Variants in VAV1 observed in about 807,000 individuals in gnomAD.
VAV1 encodes the protein vav guanine nucleotide exchange factor 1, also known as proto-oncogene vav.
A neutral mutation model predicts 128.1 loss-of-function variants in VAV1; 33 were observed. The ratio of observed to expected loss-of-function variants is 0.26; its 90% CI spans 0.20 to 0.34. The LOEUF (loss-of-function observed/expected upper bound fraction) is 0.34. Among genes scored for constraint, VAV1 ranks in the 10% least tolerant of loss-of-function variants. The probability of loss-of-function intolerance (pLI) is 1.00; values close to 1 mark genes in which losing one functional copy is unlikely to be tolerated. For missense variants in VAV1, 715 were observed against 1,093.7 expected (o/e 0.65, Z 4.88); for synonymous variants, 394 against 409.8 (o/e 0.96, Z 0.47).
chr19:6,825,429 G>A (rs1971895580), intron 8 of VAV1, 23 bp downstream of exon 8: 1 of 1,594,264 alleles, frequency 6.3e-7, no homozygotes. Flanking sequence ...TGGCCAGACT[G>A]AAGCTCTGGG....
At chr19:6,799,560 ATC>A (rs1971216065) in intron 1 of VAV1, among the ~76,000 whole-genome samples, 1 of 152,070 alleles carries the variant, frequency 6.6e-6, no homozygotes, top group Non-Finnish European at 1.5e-5. Context: ...CCATCAACCC[ATC>A]ATCTACATTA....
At chr19:6,842,258 T>C (rs968688008) in intron 21 of VAV1, among the ~76,000 whole-genome samples, 3 of 151,850 alleles carry the variant, frequency 2.0e-5, no homozygotes, top group Admixed American at 6.6e-5. Context: ...AAATAATAAA[T>C]ACATACATAA....
At chr19:6,831,005 T>G (rs1160616460) in intron 14 of VAV1, among the ~76,000 whole-genome samples, 1 of 152,120 alleles carries the variant, frequency 6.6e-6, no homozygotes, top group East Asian at 1.9e-4. Flanking sequence ...GGTGGGAGGA[T>G]CGCCTGTGGC....
chr19:6,784,126 C>T (rs915144669), intron 1 of VAV1: 22 of 480,278 alleles, frequency 4.6e-5, no homozygotes, highest in South Asian at 1.1e-4. Context: ...TGGTGGTGCA[C>T]GCCTATAGTC....
intron 1 of VAV1, among the ~76,000 whole-genome samples, chr19:6,790,032 G>A (rs577204121): frequency 1.3e-5 from 2 of 152,126 alleles, no homozygotes; most frequent in Non-Finnish European, 2.9e-5. Flanking sequence ...AAAAAAATTA[G>A]CCGGCCATGG....
chr19:6,829,392 C>T (rs1432088604), intron 13 of VAV1, among the ~76,000 whole-genome samples: 1 of 141,970 alleles, frequency 7.0e-6, no homozygotes, highest in Non-Finnish European at 1.6e-5. Context: ...GTGGGTGGAG[C>T]CAACACAGAT....
At chr19:6,814,675 T>TTCCTTCCTTCCTTC (rs1568299213) in intron 1 of VAV1, among the ~76,000 whole-genome samples, 67 of 77,012 alleles carry the variant, frequency 8.7e-4, no homozygotes, top group South Asian at 5.7e-3. Flanking sequence ...TTCCTTCCTT[T>TTCCTTCCTTCCTTC]CTTTCTTTCT....
rs899047615 is a variant in VAV1, at chr19:6,825,049, G to A, written c.655-4G>A. ...TCCGTCATCTTTCTCTCCCTTCCCC[G>A]CAGCATTTCTTGAAGCCCCTGCAAC... On this transcript the variant is annotated splice_region_variant and splice_polypyrimidine_tract_variant and intron_variant, in intron 6 of 26. Transcript: ENST00000602142. The A allele has an allele frequency of 1.5e-5, 25 of 1,613,642 alleles. No individual in the cohort carries two copies. Among genetic ancestry groups the A allele is most frequent in the Non-Finnish European group, 1.9e-5 (23 of 1,179,982 alleles).
rs571365398 is a variant in VAV1 at position 6,775,998 on chromosome 19, G to A, written c.204+2987G>A. ...GTGGAAAGAACATATTCATCCATCC[G>A]TTCATCCACCCATCCACTCATTCAT... On this transcript the variant is annotated intron_variant, in intron 1 of 26. Transcript: ENST00000602142. 4.0e-5 allele frequency among the ~76,000 whole-genome samples: 6 copies of A among 151,492 alleles called. No homozygotes were observed. The South Asian group carries it at 6.3e-4, about 16-fold the overall frequency.
intron 25 of VAV1, 113 bp downstream of exon 25, chr19:6,853,192 G>A (rs534392662): frequency 4.8e-6 from 3 of 630,956 alleles, no homozygotes; most frequent in South Asian, 4.3e-5. Flanking sequence ...TCATATCTGT[G>A]CAGTAGCAGG....
At chr19:6,775,539 T>C (rs892557385) in intron 1 of VAV1, among the ~76,000 whole-genome samples, 3 of 151,464 alleles carry the variant, frequency 2.0e-5, no homozygotes, top group African/African-American at 7.3e-5. Flanking sequence ...TAAATAGGAG[T>C]TTTTCTCATT....
At position 6,822,840 on chromosome 19, in the gene VAV1, A is replaced by C. The variant is rs937201673; in HGVS notation, c.654+326A>C. ...CATATACATAAATAGAAAATATATA[A>C]ATATATACAAAGTATATATAAAAAT... On this transcript the variant is annotated intron_variant, in intron 6 of 26. Transcript: ENST00000602142. This position sits in a 1 kb window ranked among gnomAD's most constrained non-coding sequence, Gnocchi z 5.9. 6.8e-6 allele frequency among the ~76,000 whole-genome samples: 1 copy of C among 147,438 alleles called. No homozygotes were observed. The highest frequency in any genetic ancestry group is 1.5e-5 in the Non-Finnish European group (1 of 66,878).
At chr19:6,796,266 G>A (rs1043014898) in intron 1 of VAV1, among the ~76,000 whole-genome samples, 3 of 152,150 alleles carry the variant, frequency 2.0e-5, no homozygotes, top group Non-Finnish European at 2.9e-5. Flanking sequence ...AGAGAGGTGG[G>A]AGAAATACTT....
Position 6,820,615 on chromosome 19 carries a change from A to G in VAV1, c.205-87A>G, listed in dbSNP as rs575778746. On this transcript the variant is annotated intron_variant, in intron 1 of 26. Coordinates refer to ENST00000602142, the MANE Select transcript of VAV1 (RefSeq NM_005428.4). This position sits in a 1 kb window ranked among gnomAD's most constrained non-coding sequence, Gnocchi z 4.4. ...GTCTGTGCTTTCATTTCCCCTCCAC[A>G]CCAGTCCCCAAGCTAGGTGGCCTGG... 207 of 1,013,740 alleles carry G rather than the reference A, an allele frequency of 2.0e-4. No individual in the cohort carries two copies. The African/African-American group carries it at 3.1e-3, about 15-fold the overall frequency. The allele number at this position is 1,013,740 out of a possible 1,614,324, so 62.8% of individuals were successfully genotyped here. A position where few individuals can be genotyped will look rare whatever the true frequency, so the allele number is the denominator to read the frequency against.
At chr19:6,806,422 C>A (rs1157086056) in intron 1 of VAV1, among the ~76,000 whole-genome samples, 1 of 152,020 alleles carries the variant, frequency 6.6e-6, no homozygotes, top group Non-Finnish European at 1.5e-5. Context: ...TTTCTCAATG[C>A]CGTTTTGGAA....
At chr19:6,856,550 C>A (rs1478969534) in intron 26 of VAV1, among the ~76,000 whole-genome samples, 1 of 151,046 alleles carries the variant, frequency 6.6e-6, no homozygotes, top group Non-Finnish European at 1.5e-5. Flanking sequence ...GGTGAAACCC[C>A]GTCTCTACTA....
At chr19:6,806,540 A>C (rs1364596519) in intron 1 of VAV1, among the ~76,000 whole-genome samples, 5 of 152,148 alleles carry the variant, frequency 3.3e-5, no homozygotes, top group African/African-American at 1.2e-4. Flanking sequence ...TGGCTTTGTA[A>C]ATCTAGGATC....
Position 6,828,997 on chromosome 19 carries a change from G to T in VAV1, c.1265+97G>T. The T allele has an allele frequency of 7.0e-7, 1 of 1,430,686 alleles. No individual in the cohort carries two copies. 88.6% of individuals were successfully genotyped at this position (1,430,686 alleles called of 1,614,324 possible). On this transcript the variant is annotated intron_variant, in intron 13 of 26. Transcript: ENST00000602142. This position sits in a 1 kb window ranked among gnomAD's most constrained non-coding sequence, Gnocchi z 4.5. ...GTGGGTGGAGTCAACACAGATCTGG[G>T]TGGAGCCTGGGCAGGGGCGGGGCCG...
intron 1 of VAV1, among the ~76,000 whole-genome samples, chr19:6,785,233 G>A (rs1970861883): frequency 6.6e-6 from 1 of 150,510 alleles, no homozygotes; most frequent in Non-Finnish European, 1.5e-5. Context: ...GTGCAGTGGT[G>A]TTATCATAGC....
Sources: allele counts gnomAD v4.1 joint callset (sites outside exome capture counted in the v4.1 genomes callset), GRCh38; gene constraint gnomAD v4.1.1; non-coding constraint Gnocchi (gnomAD v3.1); transcripts MANE v1.5; gene names NCBI Gene and HGNC (gene_info 2026-07-23, HGNC 2026-07-21).